The following JMJD1C variants were observed in gnomAD, a reference collection of about 807,000 sequenced individuals.
JMJD1C encodes jumonji domain containing 1C.
In JMJD1C, 31 loss-of-function variants were observed where a neutral mutation model predicts 245.3. The observed-to-expected ratio is 0.13, with a 90% CI of 0.09 to 0.17. The LOEUF (loss-of-function observed/expected upper bound fraction) is 0.17, where lower values mean the gene tolerates loss of function less well. JMJD1C is among the 10% of genes least tolerant of loss of function. The probability of loss-of-function intolerance (pLI) is 1.00; values close to 1 mark genes in which losing one functional copy is unlikely to be tolerated. For missense variants in JMJD1C, 2,691 were observed against 3,000.2 expected, an observed-to-expected ratio of 0.90 and a Z score of 2.41; for synonymous variants, 1,057 against 1,017.4, an observed-to-expected ratio of 1.04 and a Z score of -0.74.
intron 1 of JMJD1C, among the ~76,000 whole-genome samples, chr10:63,400,535 T>G (rs1017639553): frequency 6.6e-6 from 1 of 152,112 alleles, no homozygotes; most frequent in Admixed American, 6.5e-5. Context: ...ATTTCCTGCC[T>G]TGTTCTTGAG....
chr10:63,263,361 A>G (rs970507426), intron 3 of JMJD1C, among the ~76,000 whole-genome samples: 1 of 152,152 alleles, frequency 6.6e-6, no homozygotes, highest in African/African-American at 2.4e-5. Flanking sequence ...ACCTAAGAGA[A>G]CTATTCTAAT....
rs186389187 is a variant in JMJD1C at position 63,380,363 on chromosome 10, G to A, written c.288C>T (p.Ser96=). ...HLIWAKRNDP[S]QTQGSKSKQI... is the part of the protein sequence containing the mutation. ...GTTTGCTCTTTGATCCCTGAGTCTG[G>A]CTAGGGTCATTCCTTTTGGCCCAGA... Residue 96 remains serine, a synonymous_variant, in exon 2 of 26, where the codon AGC becomes AGT. Coordinates refer to ENST00000399262, the MANE Select transcript of JMJD1C (RefSeq NM_032776.3). The A allele has an allele frequency of 1.4e-5, 23 of 1,613,872 alleles. No homozygotes were observed. The Middle Eastern group carries it at 8.2e-4, about 58-fold the overall frequency.
chr10:63,463,912 T>C lies in JMJD1C; in HGVS notation c.168+1583A>G, dbSNP rs187383622. ...TATCCAGCTTAATACCTTACTAACATATGCAAACTTAACTCTTTAATCACT... is the reference window on the plus strand; with the variant it reads ...TATCCAGCTTAATACCTTACTAACACATGCAAACTTAACTCTTTAATCACT... On this transcript the variant is annotated intron_variant, in intron 1 of 25. Transcript: ENST00000399262. 2.2e-3 allele frequency among the ~76,000 whole-genome samples: 329 copies of C among 152,298 alleles called. 3 individuals are homozygous for C. In the South Asian group the frequency reaches 0.029, roughly 14 times the overall value.
At chr10:63,219,269 TAACAAC>T (rs1436328422) in intron 4 of JMJD1C, among the ~76,000 whole-genome samples, 1 of 152,188 alleles carries the variant, frequency 6.6e-6, no homozygotes, top group African/African-American at 2.4e-5. Context: ...TATGGGAATT[TAACAAC>T]AAAATTCCAT....
rs774107583 is a variant in JMJD1C, at chr10:63,206,586, C to CT, written c.5074+8dup. 1.4e-4 allele frequency: 224 copies of CT among 1,559,616 alleles called. 1 individual carries two copies. The African/African-American group carries it at 2.8e-3, about 19-fold the overall frequency. On this transcript the variant is annotated intron_variant, in intron 10 of 25. Transcript: ENST00000399262. ...TTTTACCTGAGATAAAACAAAGTAA[C>CT]TGACTTACTATTACTGTTGCTTTGC...
At position 63,207,374 on chromosome 10, in the gene JMJD1C, C is replaced by A. The variant is rs1564606109; in HGVS notation, c.4295G>T (p.Cys1432Phe). ...NTILASTSSECVSSKSVSQPV... is the reference protein window; with the variant it reads ...NTILASTSSEFVSSKSVSQPV... ...CTGACTGACACTTTTTGAAGATACA[C>A]ATTCTGATGATGTAGAGGCCAAAAT... Residue 1432 changes from cysteine (C) to phenylalanine (F), a missense_variant, in exon 10 of 26, where the codon TGT (cysteine) becomes TTT (phenylalanine). Physicochemically the swap from Cys to Phe is radical, Grantham distance 205. Around this residue, in one of 9 missense-constraint regions of JMJD1C, gnomAD observed 1,562 missense variants for 1,490.7 expected, o/e 1.05. Transcript: ENST00000399262. 1.2e-6 allele frequency: 2 copies of A among 1,613,964 alleles called. No homozygotes were observed. The highest frequency in any genetic ancestry group is 1.7e-6 in the Non-Finnish European group (2 of 1,180,016).
chr10:63,336,349 T>C (rs946337154), intron 2 of JMJD1C, among the ~76,000 whole-genome samples: 1 of 152,082 alleles, frequency 6.6e-6, no homozygotes, highest in Non-Finnish European at 1.5e-5. Context: ...TCCCAGCTAC[T>C]TGGGAGGCTG....
intron 1 of JMJD1C, among the ~76,000 whole-genome samples, chr10:63,395,061 G>GT (rs1948385231): frequency 6.6e-6 from 1 of 152,062 alleles, no homozygotes; most frequent in South Asian, 2.1e-4. Context: ...ATTTGAACAT[G>GT]TACTTCACTA....
At chr10:63,481,749 A>T (rs1453069459) in intron 1 of JMJD1C, among the ~76,000 whole-genome samples, 1 of 152,196 alleles carries the variant, frequency 6.6e-6, no homozygotes, top group Non-Finnish European at 1.5e-5. Flanking sequence ...AAGAGGTAAA[A>T]ATCAGGAGAG....
At chr10:63,348,504 C>T (rs1315453584) in intron 2 of JMJD1C, among the ~76,000 whole-genome samples, 1 of 152,148 alleles carries the variant, frequency 6.6e-6, no homozygotes, top group African/African-American at 2.4e-5. Flanking sequence ...CCTAGGTCTG[C>T]CATTCACAAA....
rs376980660 is a variant in JMJD1C at position 63,176,381 on chromosome 10, C to T, written c.7317G>A (p.Leu2439=). ...AGGTTCTGACTCCATATTCTTCAAGCAGCCTTTGACGGAGCTTTTTGTTCA... is the reference window on the plus strand; with the variant it reads ...AGGTTCTGACTCCATATTCTTCAAGTAGCCTTTGACGGAGCTTTTTGTTCA... ...WYVNKKLRQR[L]LEEYGVRTCT... Residue 2439 remains leucine, a synonymous_variant, in exon 24 of 26, where the codon CTG becomes CTA. Coordinates refer to ENST00000399262, the MANE Select transcript of JMJD1C (RefSeq NM_032776.3). 6.2e-7 allele frequency: 1 copy of T among 1,613,892 alleles called. No individual in the cohort carries two copies. Among genetic ancestry groups the T allele is most frequent in the African/African-American group, 1.3e-5 (1 of 74,926 alleles).
At chr10:63,174,082 C>T (rs551440762) in intron 24 of JMJD1C, among the ~76,000 whole-genome samples, 31 of 152,264 alleles carry the variant, frequency 2.0e-4, no homozygotes, top group African/African-American at 7.2e-4. Flanking sequence ...TCACATAACC[C>T]TGCACTGGGA....
intron 2 of JMJD1C, among the ~76,000 whole-genome samples, chr10:63,293,060 A>T (rs1858969002): frequency 6.6e-6 from 1 of 152,100 alleles, no homozygotes; most frequent in Non-Finnish European, 1.5e-5. Context: ...CAAACAAACA[A>T]AACAAACAAA....
At chr10:63,450,695 C>T (rs138930883) in intron 1 of JMJD1C, among the ~76,000 whole-genome samples, 125 of 152,244 alleles carry the variant, frequency 8.2e-4, no homozygotes, top group African/African-American at 2.9e-3. Context: ...CAGGTATGAA[C>T]ATTCCACAGC....
At chr10:63,475,191 C>A (rs1014841010) in intron 1 of JMJD1C, among the ~76,000 whole-genome samples, 12 of 152,140 alleles carry the variant, frequency 7.9e-5, no homozygotes, top group African/African-American at 2.4e-4. Context: ...ATGTCTCTCT[C>A]AAATGCTCAG....
intron 2 of JMJD1C, among the ~76,000 whole-genome samples, chr10:63,291,310 GAAAAAAAAAAAAA>G (rs59082600): frequency 7.2e-5 from 5 of 69,132 alleles, no homozygotes; most frequent in Admixed American, 4.1e-4. Context: ...GTCTGTCTCA[GAAAAAAAAAAAAA>G]AAAAAAAAAA....
intron 3 of JMJD1C, chr10:63,222,257 G>A (rs1589196417): frequency 9.7e-6 from 8 of 821,622 alleles, no homozygotes; most frequent in African/African-American, 5.0e-5. Context: ...TTTACAGGAT[G>A]TAACAGGGAG....
intron 1 of JMJD1C, among the ~76,000 whole-genome samples, chr10:63,397,898 T>C (rs1456635676): frequency 6.6e-6 from 1 of 152,238 alleles, no homozygotes; most frequent in Non-Finnish European, 1.5e-5. Context: ...TTAAAGTTCA[T>C]AAATAATTAT....
At chr10:63,375,076 G>A (rs1252159530) in intron 2 of JMJD1C, among the ~76,000 whole-genome samples, 1 of 151,926 alleles carries the variant, frequency 6.6e-6, no homozygotes, top group African/African-American at 2.4e-5. Flanking sequence ...GCAAAAGCAG[G>A]GATCCCTTGT....
Sources: gnomAD v4.1 joint callset for allele counts (sites outside exome capture counted in the v4.1 genomes callset) on GRCh38, gnomAD v4.1.1 for gene constraint, gnomAD v4.1.1 regional missense constraint, MANE v1.5 for transcripts, NCBI Gene and HGNC (gene_info 2026-07-23, HGNC 2026-07-21) for gene names.